CCDC18: variants seen among roughly 807,000 people sequenced by gnomAD.
The protein encoded by CCDC18 is coiled-coil domain-containing protein 18.
CCDC18 carries 157 observed loss-of-function variants against 196.0 expected under a neutral mutation model. That is an observed-to-expected ratio of 0.80 (90% CI 0.70 to 0.91). The LOEUF is 0.91. CCDC18 is among the 40% of genes least tolerant of loss of function. The pLI is 0.00. For missense variants in CCDC18, 1,465 were observed against 1,611.6 expected (o/e 0.91, Z 1.56); for synonymous variants, 482 against 529.2 (o/e 0.91, Z 1.22).
At chr1:93,199,528 G>C (rs1315395784) in intron 6 of CCDC18, among the ~76,000 whole-genome samples, 1 of 152,236 alleles carries the variant, frequency 6.6e-6, no homozygotes, top group Non-Finnish European at 1.5e-5. Flanking sequence ...CCCCTGAAGG[G>C]CTGTAGCTCT....
chr1:93,217,650 G>A, intron 13 of CCDC18, 88 bp from the exon 14 acceptor site: 1 of 1,088,474 alleles, frequency 9.2e-7, no homozygotes, highest in South Asian at 1.8e-5. Flanking sequence ...TGTTTCCCAG[G>A]CTAGTCTTGA....
chr1:93,190,720 A>T (rs1361219273), intron 4 of CCDC18: 3 of 453,932 alleles, frequency 6.6e-6, no homozygotes, highest in Admixed American at 3.5e-5. Flanking sequence ...TTGTCTTCAT[A>T]ATAAAACAAA....
At chr1:93,234,936 A>AGTGTGTGTGTGTGTGTGTGT (rs3223482) in intron 18 of CCDC18, among the ~76,000 whole-genome samples, 45 of 119,364 alleles carry the variant, frequency 3.8e-4, no homozygotes, top group East Asian at 2.3e-3. Flanking sequence ...CCCAGCTAAG[A>AGTGTGTGTGTGTGTGTGTGT]GTGTGTGTGT....
chr1:93,275,670 T>G (rs1264607720), intron 28 of CCDC18, among the ~76,000 whole-genome samples: 2 of 152,198 alleles, frequency 1.3e-5, no homozygotes, highest in East Asian at 1.9e-4. Flanking sequence ...TCATGGCTGC[T>G]CATGCAAAAG....
chr1:93,206,980 T>C (rs1203385510), intron 8 of CCDC18, 127 bp from the exon 9 acceptor site: 11 of 534,682 alleles, frequency 2.1e-5, no homozygotes, highest in Non-Finnish European at 3.6e-5. Flanking sequence ...AGTAGGTATT[T>C]AGTAAATGTG....
chr1:93,251,805 A>G (rs949242807), intron 23 of CCDC18, among the ~76,000 whole-genome samples: 4 of 152,120 alleles, frequency 2.6e-5, no homozygotes, highest in African/African-American at 9.7e-5. Context: ...TTATACCTGC[A>G]TACTTATATC....
At chr1:93,250,393 A>AG (rs1443381110) in intron 23 of CCDC18, among the ~76,000 whole-genome samples, 18 of 151,664 alleles carry the variant, frequency 1.2e-4, no homozygotes, top group Non-Finnish European at 1.8e-4. Context: ...AAAAAAAAAA[A>AG]AAAAGAAAAG....
chr1:93,259,529 G>T (rs575983558), intron 26 of CCDC18, among the ~76,000 whole-genome samples: 2 of 151,974 alleles, frequency 1.3e-5, no homozygotes. Flanking sequence ...TTTCTAATAC[G>T]GCAAGGGTTG....
chr1:93,271,083 TAAA>T, intron 28 of CCDC18: 4 of 983,040 alleles, frequency 4.1e-6, no homozygotes, highest in Non-Finnish European at 4.8e-6. Flanking sequence ...TGCTTAAAAA[TAAA>T]AAAATTAAAA....
At chr1:93,245,554 G>A (rs553491264) in intron 21 of CCDC18, among the ~76,000 whole-genome samples, 12 of 152,078 alleles carry the variant, frequency 7.9e-5, no homozygotes, top group South Asian at 2.1e-4. Flanking sequence ...AATTGTGTCA[G>A]TATTAAGCAT....
intron 26 of CCDC18, 76 bp downstream of exon 26, chr1:93,258,961 G>C: frequency 8.4e-7 from 1 of 1,197,022 alleles, no homozygotes; most frequent in South Asian, 1.7e-5. Flanking sequence ...TATGAGTCCA[G>C]CTCTTAAGTG....
chr1:93,188,438 T>C (rs928377127), intron 4 of CCDC18, among the ~76,000 whole-genome samples: 15 of 152,208 alleles, frequency 9.9e-5, no homozygotes, highest in African/African-American at 3.4e-4. Flanking sequence ...TCCTAGTTTA[T>C]TCTTTCTGTA....
intron 27 of CCDC18, among the ~76,000 whole-genome samples, chr1:93,265,674 A>G (rs760970584): frequency 2.0e-4 from 30 of 152,350 alleles, no homozygotes; most frequent in Non-Finnish European, 3.4e-4. Flanking sequence ...CTTTAAACCA[A>G]CAAAGATCAA....
intron 24 of CCDC18, 93 bp from the exon 25 acceptor site, chr1:93,256,238 TGGAA>T: frequency 1.0e-6 from 1 of 999,424 alleles, no homozygotes; most frequent in Non-Finnish European, 1.5e-6. Context: ...AGGATTTAGT[TGGAA>T]GGTGGAAATT....
rs1553175509 is a variant in CCDC18 at position 93,227,971 on chromosome 1, A to AAT, written c.2292+1539_2292+1540dup. Among the ~76,000 whole-genome samples the AAT allele has an allele frequency of 4.8e-3, 603 of 125,268 alleles. 8 individuals are homozygous for AAT. The East Asian group carries it at 0.051, about 11-fold the overall frequency. The allele number at this position is 125,268 out of a possible 152,430, so 82.2% of individuals were successfully genotyped here. On this transcript the variant is annotated intron_variant, in intron 17 of 28. Transcript: ENST00000690025. ...AGACCCTATCTCAAAAAAAAAAAAA[A>AAT]ATATATATATATATATATTTATTTA...
chr1:93,220,336 C>T (rs181087907), intron 14 of CCDC18, among the ~76,000 whole-genome samples: 3 of 152,012 alleles, frequency 2.0e-5, no homozygotes, highest in East Asian at 1.9e-4. Flanking sequence ...GATGAAGGAC[C>T]GCATAGAGAA....
At chr1:93,265,938 G>C (rs1434448942) in intron 27 of CCDC18, among the ~76,000 whole-genome samples, 1 of 152,130 alleles carries the variant, frequency 6.6e-6, no homozygotes, top group African/African-American at 2.4e-5. Context: ...TCTGCACCAA[G>C]CAGACCTAAT....
chr1:93,232,638 A>G (rs758711299), intron 18 of CCDC18, 45 bp downstream of exon 18: 14 of 1,392,388 alleles, frequency 1.0e-5, no homozygotes, highest in African/African-American at 1.5e-5. Context: ...ATGAAATAGA[A>G]ATTTTTAAAA....
intron 1 of CCDC18, among the ~76,000 whole-genome samples, chr1:93,182,679 T>G (rs1649933115): frequency 6.6e-6 from 1 of 152,210 alleles, no homozygotes; most frequent in African/African-American, 2.4e-5. Flanking sequence ...AAACAAAAGC[T>G]TTTCTTCATT....
Sources: allele counts gnomAD v4.1 joint callset (sites outside exome capture counted in the v4.1 genomes callset), GRCh38; gene constraint gnomAD v4.1.1; transcripts MANE v1.5; gene names NCBI Gene and HGNC (gene_info 2026-07-23, HGNC 2026-07-21).